The following RAB31 variants were observed in gnomAD, a reference collection of about 807,000 sequenced individuals.
RAB31 encodes the protein ras-related protein Rab-31.
RAB31 carries 21 observed loss-of-function variants against 25.6 expected under a neutral mutation model. That is an observed-to-expected ratio of 0.82 (90% CI 0.58 to 1.18). The LOEUF (loss-of-function observed/expected upper bound fraction) is 1.18, where lower values mean the gene tolerates loss of function less well. Ranked by LOEUF, RAB31 falls within the 50% of genes most tolerant of loss-of-function variation. RAB31 has a pLI of 0.00. For synonymous variants in RAB31, 87 were observed against 84.0 expected, an observed-to-expected ratio of 1.04 and a Z score of -0.20; for missense variants, 196 against 250.1, an observed-to-expected ratio of 0.78 and a Z score of 1.46.
At chr18:9,775,628 A>T (rs1305723455) in intron 2 of RAB31, among the ~76,000 whole-genome samples, 3 of 152,076 alleles carry the variant, frequency 2.0e-5, no homozygotes, top group African/African-American at 7.2e-5. Context: ...TTATTCTGCA[A>T]ATCTTGGCGT....
intron 1 of RAB31, among the ~76,000 whole-genome samples, chr18:9,715,514 G>A (rs1036441290): frequency 7.2e-6 from 1 of 138,040 alleles, no homozygotes; most frequent in Non-Finnish European, 1.5e-5. Context: ...CTTGTCCTTT[G>A]TCTCTCTCTC....
At chr18:9,731,015 T>G (rs1187745732) in intron 1 of RAB31, among the ~76,000 whole-genome samples, 1 of 152,240 alleles carries the variant, frequency 6.6e-6, no homozygotes, top group Non-Finnish European at 1.5e-5. Context: ...ACATGCTAAG[T>G]CAGAACCACA....
chr18:9,795,293 G>A (rs1449194462), intron 3 of RAB31, among the ~76,000 whole-genome samples: 1 of 152,172 alleles, frequency 6.6e-6, no homozygotes, highest in Non-Finnish European at 1.5e-5. Context: ...AATTCTAGAA[G>A]ATAACATTGG....
chr18:9,720,935 A>C (rs2068070932), intron 1 of RAB31, among the ~76,000 whole-genome samples: 1 of 151,980 alleles, frequency 6.6e-6, no homozygotes, highest in Admixed American at 6.6e-5. Context: ...CAGGATGCAG[A>C]TTTGGCTTAG....
At chr18:9,733,908 G>T (rs767541867) in intron 1 of RAB31, among the ~76,000 whole-genome samples, 2 of 152,030 alleles carry the variant, frequency 1.3e-5, no homozygotes, top group East Asian at 3.9e-4. Context: ...GGGGAGGGGG[G>T]GCTTGGTTGG....
chr18:9,763,116 T>G (rs2068297505), intron 1 of RAB31, among the ~76,000 whole-genome samples: 1 of 152,134 alleles, frequency 6.6e-6, no homozygotes, highest in Non-Finnish European at 1.5e-5. Flanking sequence ...GTGGATGATG[T>G]CCCGGCACCG....
rs1047794197 is a variant in RAB31, at chr18:9,861,735, T to G, written c.*2410T>G. On this transcript the variant is annotated 3_prime_UTR_variant, in exon 7 of 7. Transcript: ENST00000578921. ...CATCCTTGGCATCGTTTTCCAAAATTTGTTCCTTCTCCCTTTTTTTTTTCT... is the reference window on the plus strand; with the variant it reads ...CATCCTTGGCATCGTTTTCCAAAATGTGTTCCTTCTCCCTTTTTTTTTTCT... The G allele has an allele frequency of 2.6e-5, 4 of 152,004 alleles. No individual in the cohort carries two copies. Among genetic ancestry groups the G allele is most frequent in the African/African-American group, 9.7e-5 (4 of 41,432 alleles). The allele number at this position is 152,004 out of a possible 1,614,324, so 9.4% of individuals were successfully genotyped here.
intron 3 of RAB31, 101 bp from the exon 4 acceptor site, chr18:9,813,919 G>T: frequency 1.6e-6 from 1 of 643,752 alleles, no homozygotes. Context: ...AGGAATTTAG[G>T]GATCCTGTAA....
At chr18:9,752,477 G>A (rs371460669) in intron 1 of RAB31, among the ~76,000 whole-genome samples, 2 of 152,024 alleles carry the variant, frequency 1.3e-5, no homozygotes, top group South Asian at 2.1e-4. Flanking sequence ...TGCCCGCCTC[G>A]GCCTCCCAAA....
chr18:9,835,434 C>G (rs1489600653), intron 5 of RAB31, among the ~76,000 whole-genome samples: 1 of 152,204 alleles, frequency 6.6e-6, no homozygotes, highest in African/African-American at 2.4e-5. Context: ...CCTAGAGAAC[C>G]TGTTTTCTGC....
At chr18:9,739,252 A>G (rs2068165507) in intron 1 of RAB31, among the ~76,000 whole-genome samples, 1 of 152,218 alleles carries the variant, frequency 6.6e-6, no homozygotes, top group Non-Finnish European at 1.5e-5. Flanking sequence ...AGGCAGGCGG[A>G]TCATGAGGTC....
chr18:9,739,059 T>C (rs1043399015), intron 1 of RAB31, among the ~76,000 whole-genome samples: 3 of 152,342 alleles, frequency 2.0e-5, no homozygotes, highest in Admixed American at 6.5e-5. Context: ...TCTACTCAGG[T>C]GGCATGTTCC....
chr18:9,800,627 C>T (rs1240645291), intron 3 of RAB31, among the ~76,000 whole-genome samples: 2 of 152,206 alleles, frequency 1.3e-5, no homozygotes, highest in Non-Finnish European at 2.9e-5. Flanking sequence ...TTTCTGTCCT[C>T]ATTCTCTGTT....
chr18:9,752,992 T>C (rs1344635594), intron 1 of RAB31, among the ~76,000 whole-genome samples: 1 of 152,246 alleles, frequency 6.6e-6, no homozygotes, highest in African/African-American at 2.4e-5. Context: ...TCTTAAGATA[T>C]GTACAGTGGA....
intron 5 of RAB31, among the ~76,000 whole-genome samples, chr18:9,819,645 AG>A (rs2068615660): frequency 6.6e-6 from 1 of 152,166 alleles, no homozygotes; most frequent in Admixed American, 6.5e-5. Flanking sequence ...TTGAATCTTT[AG>A]GCCCATTCAG....
chr18:9,785,748 T>C (rs2068428578), intron 2 of RAB31, among the ~76,000 whole-genome samples: 1 of 152,172 alleles, frequency 6.6e-6, no homozygotes, highest in African/African-American at 2.4e-5. Context: ...TCCAATCACA[T>C]TTTTACAAGA....
At chr18:9,713,059 C>T (rs887279590) in intron 1 of RAB31, among the ~76,000 whole-genome samples, 12 of 152,260 alleles carry the variant, frequency 7.9e-5, no homozygotes, top group South Asian at 2.1e-4. Flanking sequence ...GACACTAGGA[C>T]GCAAGAGTAG....
intron 1 of RAB31, among the ~76,000 whole-genome samples, chr18:9,750,368 A>G (rs1057278769): frequency 1.3e-5 from 2 of 152,216 alleles, no homozygotes; most frequent in African/African-American, 2.4e-5. Flanking sequence ...GCCGCTGCCA[A>G]TACAGTTTGC....
At chr18:9,771,933 G>C (rs547043475) in intron 1 of RAB31, among the ~76,000 whole-genome samples, 1 of 152,188 alleles carries the variant, frequency 6.6e-6, no homozygotes, top group African/African-American at 2.4e-5. Flanking sequence ...TGACTTTGTT[G>C]TTTGAAAAAT....
Sources: gnomAD v4.1 joint callset for allele counts (sites outside exome capture counted in the v4.1 genomes callset) on GRCh38, gnomAD v4.1.1 for gene constraint, MANE v1.5 for transcripts, NCBI Gene and HGNC (gene_info 2026-07-23, HGNC 2026-07-21) for gene names.